Variants in ROS1 observed in about 807,000 individuals in gnomAD.
ROS1 encodes the protein proto-oncogene tyrosine-protein kinase ROS.
A neutral mutation model predicts 273.5 loss-of-function variants in ROS1; 263 were observed. That is an observed-to-expected ratio of 0.96 (90% CI 0.87 to 1.06). ROS1 has a LOEUF of 1.06. Ranked by LOEUF, ROS1 falls within the 50% of genes least tolerant of loss-of-function variation. The pLI, the probability that ROS1 is intolerant of heterozygous loss-of-function variation, is 0.00. For missense variants in ROS1, 2,833 were observed against 2,751.1 expected, an observed-to-expected ratio of 1.03 and a Z score of -0.67; for synonymous variants, 1,008 against 954.1, an observed-to-expected ratio of 1.06 and a Z score of -1.04.
intron 17 of ROS1, among the ~76,000 whole-genome samples, chr6:117,382,258 T>A (rs1332194527): frequency 6.6e-6 from 1 of 152,290 alleles, no homozygotes; most frequent in East Asian, 1.9e-4. Context: ...TAAATTTCCA[T>A]CTCTTTTAAA....
At chr6:117,298,425 T>C (rs6906824) in intron 43 of ROS1, among the ~76,000 whole-genome samples, 1 of 152,056 alleles carries the variant, frequency 6.6e-6, no homozygotes, top group Non-Finnish European at 1.5e-5. Flanking sequence ...TTCAGATATG[T>C]CTATATTCAA....
intron 36 of ROS1, 26 bp from the exon 37 acceptor site, chr6:117,320,056 C>A (rs755603557): frequency 6.2e-7 from 1 of 1,607,504 alleles, no homozygotes; most frequent in Non-Finnish European, 8.5e-7. Flanking sequence ...ATTTTTGTCT[C>A]CCCACCCTCC....
intron 15 of ROS1, 62 bp downstream of exon 15, chr6:117,386,827 G>C: frequency 2.5e-6 from 2 of 792,004 alleles, no homozygotes; most frequent in Admixed American, 4.5e-5. Flanking sequence ...TTCATTGAAT[G>C]ATGTGGGAAG....
chr6:117,311,231 T>A, intron 39 of ROS1, 114 bp from the exon 40 acceptor site: 1 of 487,064 alleles, frequency 2.1e-6, no homozygotes, highest in South Asian at 4.3e-5. Context: ...ATGTATCTGA[T>A]GTTTTAAAGG....
In ROS1 at chr6:117,288,577, T is replaced by A; in HGVS notation, c.6941A>T (p.Gln2314Leu). ...CTTGCCAGAAGGGCAGTAAGCCACTTGTTTTTCTTGGCAGAAATCTTTGTC... is the reference window on the plus strand; with the variant it reads ...CTTGCCAGAAGGGCAGTAAGCCACTAGTTTTTCTTGGCAGAAATCTTTGTC... ...HADKDFCQEK[Q>L]VAYCPSGKPE... Residue 2314 changes from glutamine (Q) to leucine (L), a missense_variant, in exon 44 of 44, where the codon CAA becomes CTA. By Grantham distance (113) the Gln-to-Leu change is moderately radical. Transcript: ENST00000368507. 6.2e-7 allele frequency: 1 copy of A among 1,614,174 alleles called. No individual in the cohort carries two copies. Among genetic ancestry groups the A allele is most frequent in the Non-Finnish European group, 8.5e-7 (1 of 1,180,030 alleles).
intron 5 of ROS1, among the ~76,000 whole-genome samples, chr6:117,409,166 T>C (rs1308559427): frequency 6.6e-6 from 1 of 151,810 alleles, no homozygotes; most frequent in Non-Finnish European, 1.5e-5. Context: ...TATACATATG[T>C]AACAAACCTG....
chr6:117,391,620 C>T (rs1204216200), intron 12 of ROS1, among the ~76,000 whole-genome samples: 3 of 152,170 alleles, frequency 2.0e-5, no homozygotes, highest in Non-Finnish European at 4.4e-5. Flanking sequence ...TTTAGGACTA[C>T]TAAACACAAA....
chr6:117,413,687 GA>G (rs1291099607), intron 4 of ROS1, among the ~76,000 whole-genome samples: 1 of 152,032 alleles, frequency 6.6e-6, no homozygotes, highest in Non-Finnish European at 1.5e-5. Context: ...TGTTGCACAA[GA>G]AAGAAAATTA....
intron 41 of ROS1, 113 bp from the exon 42 acceptor site, chr6:117,309,041 T>C: frequency 2.0e-6 from 2 of 1,013,046 alleles, no homozygotes; most frequent in East Asian, 5.1e-5. Context: ...TGTCAGTGTA[T>C]TATTGGCCTC....
chr6:117,422,096 G>A (rs1196902934), intron 1 of ROS1, among the ~76,000 whole-genome samples: 1 of 152,032 alleles, frequency 6.6e-6, no homozygotes, highest in Non-Finnish European at 1.5e-5. Flanking sequence ...CAGCATCCTC[G>A]ACCTCCCTGC....
At position 117,328,750 on chromosome 6, in the gene ROS1, G is replaced by T. The variant is rs892325624; in HGVS notation, c.5348+579C>A. ...GCCAGTTATGGTTCACGTGCTCCCC[G>T]TACTGGCCAGGTCTGAGGCTGTTCA... is the stretch of plus-strand genomic sequence containing the variant. On this transcript the variant is annotated intron_variant, in intron 33 of 43. Coordinates refer to ENST00000368507, the MANE Select transcript of ROS1 (RefSeq NM_001378902.1). 6 of 613,608 alleles carry T rather than the reference G, an allele frequency of 9.8e-6. No individual in the cohort carries two copies. In the African/African-American group the frequency reaches 1.1e-4, roughly 11 times the overall value. 38.0% of individuals were successfully genotyped at this position (613,608 alleles called of 1,614,324 possible).
chr6:117,316,615 A>T, intron 39 of ROS1, among the ~76,000 whole-genome samples: 1 of 152,026 alleles, frequency 6.6e-6, no homozygotes, highest in Non-Finnish European at 1.5e-5. Flanking sequence ...TTGCAGGCAG[A>T]GTTTGTTAGC....
At chr6:117,333,928 C>G (rs1211052919) in intron 32 of ROS1, among the ~76,000 whole-genome samples, 1 of 152,040 alleles carries the variant, frequency 6.6e-6, no homozygotes, top group African/African-American at 2.4e-5. Flanking sequence ...CCTTTGAAAA[C>G]CAGTACAAGA....
intron 1 of ROS1, among the ~76,000 whole-genome samples, chr6:117,420,433 G>A (rs1775663802): frequency 8.2e-6 from 1 of 122,246 alleles, no homozygotes; most frequent in South Asian, 2.8e-4. Flanking sequence ...AATGTTGTGG[G>A]GTGGGGGGAG....
At chr6:117,321,120 G>C (rs1290618748) in intron 36 of ROS1, 139 bp downstream of exon 36, 9 of 843,472 alleles carry the variant, frequency 1.1e-5, no homozygotes, top group Non-Finnish European at 1.6e-5. Context: ...GAGAGTGGAA[G>C]AGGAAGTTAT....
chr6:117,296,307 A>G (rs577139922), intron 43 of ROS1, among the ~76,000 whole-genome samples: 1 of 152,304 alleles, frequency 6.6e-6, no homozygotes, highest in East Asian at 1.9e-4. Flanking sequence ...ATGCCGAGGC[A>G]TAAGAATCGC....
At chr6:117,333,669 C>A (rs1777259678) in intron 32 of ROS1, among the ~76,000 whole-genome samples, 1 of 152,166 alleles carries the variant, frequency 6.6e-6, no homozygotes, top group Non-Finnish European at 1.5e-5. Context: ...CCCTGGGATG[C>A]AAGGCTGATT....
intron 27 of ROS1, among the ~76,000 whole-genome samples, chr6:117,345,409 T>C (rs1398114879): frequency 6.6e-6 from 1 of 152,226 alleles, no homozygotes; most frequent in African/African-American, 2.4e-5. Context: ...ACTAGCCACA[T>C]GTGATTTTGG....
At chr6:117,310,551 A>G (rs956239203) in intron 40 of ROS1, among the ~76,000 whole-genome samples, 1 of 151,356 alleles carries the variant, frequency 6.6e-6, no homozygotes. Context: ...CTTGCCCCCA[A>G]CCCCAGACAG....
Sources: gnomAD v4.1 joint callset for allele counts (sites outside exome capture counted in the v4.1 genomes callset) on GRCh38, gnomAD v4.1.1 for gene constraint, MANE v1.5 for transcripts, NCBI Gene and HGNC (gene_info 2026-07-23, HGNC 2026-07-21) for gene names.